The following HPS5 variants were observed in gnomAD, a reference collection of about 807,000 sequenced individuals.
The protein encoded by HPS5 is HPS5 biogenesis of lysosomal organelles complex 2 subunit 2.
HPS5 carries 83 observed loss-of-function variants against 128.0 expected under a neutral mutation model. That is an observed-to-expected ratio of 0.65 (90% CI 0.54 to 0.78). The LOEUF is 0.78. Ranked by LOEUF, HPS5 falls within the 30% of genes least tolerant of loss-of-function variation. The pLI, the probability that HPS5 is intolerant of heterozygous loss-of-function variation, is 0.00. For missense variants in HPS5, 1,281 were observed against 1,326.2 expected, an observed-to-expected ratio of 0.97 and a Z score of 0.53; for synonymous variants, 475 against 470.2, an observed-to-expected ratio of 1.01 and a Z score of -0.13.
At chr11:18,281,928 G>C (rs1859024190) in intron 22 of HPS5, 22 bp downstream of exon 22, 2 of 1,613,818 alleles carry the variant, frequency 1.2e-6, no homozygotes, top group South Asian at 1.1e-5. Flanking sequence ...ACTATGCAGA[G>C]GGTAGGACAA....
chr11:18,311,729 T>G, intron 3 of HPS5, 185 bp downstream of exon 3: 1 of 645,148 alleles, frequency 1.6e-6, no homozygotes, highest in Non-Finnish European at 2.8e-6. Context: ...CAGGCTGGTC[T>G]CCAACTCCTG....
At chr11:18,304,649 C>G (rs11024612) in intron 8 of HPS5, among the ~76,000 whole-genome samples, 21,218 of 152,196 alleles carry the variant, frequency 0.14, 1,586 homozygotes, top group African/African-American at 0.19. Flanking sequence ...GTTAGCCTTT[C>G]AAAGAACTGA....
chr11:18,308,878 G>A (rs1862651971), intron 6 of HPS5, 68 bp downstream of exon 6: 3 of 1,500,168 alleles, frequency 2.0e-6, no homozygotes, highest in African/African-American at 1.4e-5. Flanking sequence ...GCTTGGGGTA[G>A]ATAACTTCTA....
chr11:18,305,936 G>A lies in HPS5; in HGVS notation c.824+199C>T, dbSNP rs113870311. Among the ~76,000 whole-genome samples, 4,226 of 147,492 alleles carry A rather than the reference G, an allele frequency of 0.029. 168 individuals are homozygous for A. Among genetic ancestry groups the A allele is most frequent in the African/African-American group, 0.092 (3,671 of 39,736 alleles). ...TTTGGTAGAGACGGGGTTTCACCGCGTTAGTCAGGATGGTCTCGATCTCCT... is the reference window on the plus strand; with the variant it reads ...TTTGGTAGAGACGGGGTTTCACCGCATTAGTCAGGATGGTCTCGATCTCCT... On this transcript the variant is annotated intron_variant, in intron 7 of 22. Coordinates refer to ENST00000349215, the MANE Select transcript of HPS5 (RefSeq NM_181507.2).
At position 18,287,526 on chromosome 11, in the gene HPS5, C is replaced by T. The variant is rs773936672; in HGVS notation, c.2717+9G>A. 1 of 1,614,060 alleles carries T rather than the reference C, an allele frequency of 6.2e-7. No homozygotes were observed. The highest frequency in any genetic ancestry group is 8.5e-7 in the Non-Finnish European group (1 of 1,179,940). Reference sequence around the variant, plus strand: ...AAAGGAGAGTCTGCAAATATGCTCTCCTTCTCACCGCTGATCTTCAGGCCT... The same window carrying T: ...AAAGGAGAGTCTGCAAATATGCTCTTCTTCTCACCGCTGATCTTCAGGCCT... On this transcript the variant is annotated intron_variant, in intron 18 of 22. Coordinates refer to ENST00000349215, the MANE Select transcript of HPS5 (RefSeq NM_181507.2).
chr11:18,285,847 C>CT (rs1323324545), intron 19 of HPS5, among the ~76,000 whole-genome samples: 1 of 152,126 alleles, frequency 6.6e-6, no homozygotes, highest in Non-Finnish European at 1.5e-5. Context: ...CCAGTGTGTA[C>CT]TTTAATTTTA....
At position 18,288,007 on chromosome 11, in the gene HPS5, G is replaced by C; in HGVS notation, c.2447C>G (p.Ala816Gly). The change falls in exon 17 of 23, where the codon GCA becomes GGA. Residue 816 changes from alanine to glycine, a missense_variant. Coordinates refer to ENST00000349215, the MANE Select transcript of HPS5 (RefSeq NM_181507.2). ...CTCCATATACACAGGATTGGAACTTGCCATTTCTGAAATATAAAGCATATC... is the reference window on the plus strand; with the variant it reads ...CTCCATATACACAGGATTGGAACTTCCCATTTCTGAAATATAAAGCATATC... ...DTFIEGLKEM[A>G]SSNPVYMEME... 1 of 1,613,658 alleles carries C rather than the reference G, an allele frequency of 6.2e-7. No individual in the cohort carries two copies. Among genetic ancestry groups the C allele is most frequent in the Non-Finnish European group, 8.5e-7 (1 of 1,179,820 alleles).
intron 2 of HPS5, among the ~76,000 whole-genome samples, chr11:18,314,106 T>C (rs917871118): frequency 1.3e-5 from 2 of 152,138 alleles, no homozygotes; most frequent in Non-Finnish European, 2.9e-5. Context: ...TCCCAGCTAC[T>C]TGAGAGGCTG....
intron 16 of HPS5, among the ~76,000 whole-genome samples, chr11:18,289,028 C>T (rs1411555719): frequency 1.3e-5 from 2 of 151,796 alleles, no homozygotes; most frequent in African/African-American, 2.4e-5. Flanking sequence ...GGTCTTGCTA[C>T]GTTGCCTAAG....
At chr11:18,305,616 C>T in intron 7 of HPS5, 123 bp from the exon 8 acceptor site, 3 of 659,412 alleles carry the variant, frequency 4.5e-6, no homozygotes, top group Non-Finnish European at 8.1e-6. Context: ...CTGCATCTGC[C>T]CTTATTCGCC....
rs776795991 is a variant in HPS5 at position 18,287,593 on chromosome 11, G to T, written c.2659C>A (p.Pro887Thr). The T allele has an allele frequency of 1.3e-5, 21 of 1,614,130 alleles. 1 individual carries two copies. In the East Asian group the frequency reaches 1.8e-4, roughly 14 times the overall value. ...SDIIQLCHHH[P>T]AEFLAYLDSL... is the part of the protein sequence containing the mutation. ...TCTAAATAGGCCAAAAACTCAGCAG[G>T]ATGATGATGACAAAGTTGTATGATA... The change falls in exon 18 of 23, where the codon CCT becomes ACT. Residue 887 changes from proline (P) to threonine (T), a missense_variant. By Grantham distance (38) the Pro-to-Thr change is conservative. Transcript: ENST00000349215.
Position 18,300,696 on chromosome 11 carries a change from CAAAAA to C in HPS5, c.985+127_985+131del, listed in dbSNP as rs531315010. The C allele has an allele frequency of 0.36, 135,244 of 380,794 alleles. 9,483 individuals carry two copies. The highest frequency in any genetic ancestry group is 0.39 in the East Asian group (8,604 of 21,834). 23.6% of individuals were successfully genotyped at this position (380,794 alleles called of 1,614,324 possible). On this transcript the variant is annotated intron_variant, in intron 9 of 22. Transcript: ENST00000349215. ...TGGGTGACAGAGCAAGACTTAGTCT[CAAAAA>C]AAAAAAAAAAAAAAAAAAAGTCATC...
chr11:18,279,887 C>T lies in HPS5; in HGVS notation c.3385G>A (p.Ala1129Thr). 1 of 1,613,946 alleles carries T rather than the reference C, an allele frequency of 6.2e-7. No homozygotes were observed. The highest frequency in any genetic ancestry group is 8.5e-7 in the Non-Finnish European group (1 of 1,179,828). Reference protein sequence around the residue: ...KCDRFLWSQQA With the variant: ...KCDRFLWSQQT ...TCCTGCTGAATCTTCTCCCACTAGG[C>T]CTGCTGGGACCAGAGAAACCGATCG... Residue 1129 changes from alanine (A) to threonine (T), a missense_variant, in exon 23 of 23, where the codon GCC becomes ACC. By Grantham distance (58) the Ala-to-Thr change is moderately conservative (BLOSUM62 0). Coordinates refer to ENST00000349215, the MANE Select transcript of HPS5 (RefSeq NM_181507.2).
intron 7 of HPS5, 84 bp from the exon 8 acceptor site, chr11:18,305,577 T>C: frequency 9.5e-7 from 1 of 1,051,164 alleles, no homozygotes; most frequent in South Asian, 1.4e-5. Flanking sequence ...AGGGAAATTT[T>C]TGCCTCCAAA....
chr11:18,300,484 G>A (rs969640721), intron 9 of HPS5, among the ~76,000 whole-genome samples: 2 of 151,986 alleles, frequency 1.3e-5, no homozygotes, highest in Non-Finnish European at 2.9e-5. Context: ...ATCACCTGAG[G>A]TCAGGAATTC....
chr11:18,304,459 G>C (rs1750841174), intron 8 of HPS5, among the ~76,000 whole-genome samples: 1 of 152,038 alleles, frequency 6.6e-6, no homozygotes, highest in South Asian at 2.1e-4. Context: ...CAGAAGATCT[G>C]TCCGCCTCGG....
chr11:18,317,848 A>T lies in HPS5; in HGVS notation c.11T>A (p.Val4Glu), dbSNP rs1485993188. The T allele has an allele frequency of 2.5e-6, 4 of 1,613,356 alleles. No homozygotes were observed. The highest frequency in any genetic ancestry group is 1.7e-5 in the Admixed American group (1 of 59,942). ...GCTGTAGGACTCTGGTATCACTGGC[A>T]CAAAAGCCATTTAGCCAGAAAGCTG... is the stretch of plus-strand genomic sequence containing the variant. MAF[V>E]PVIPESYSHV... Residue 4 changes from valine (V) to glutamate (E), a missense_variant, in exon 2 of 23, where the codon GTG becomes GAG. Transcript: ENST00000349215.
At chr11:18,318,475 G>A (rs565248555) in intron 1 of HPS5, among the ~76,000 whole-genome samples, 4 of 152,296 alleles carry the variant, frequency 2.6e-5, no homozygotes, top group Admixed American at 1.3e-4. Context: ...CAGGGAATTA[G>A]AGCACAAAGA....
At chr11:18,315,214 G>C (rs547993798) in intron 2 of HPS5, among the ~76,000 whole-genome samples, 1 of 152,296 alleles carries the variant, frequency 6.6e-6, no homozygotes, top group East Asian at 1.9e-4. Context: ...GTTCTTAGAA[G>C]CTGCCTCAAA....
Sources: allele counts gnomAD v4.1 joint callset (sites outside exome capture counted in the v4.1 genomes callset), GRCh38; gene constraint gnomAD v4.1.1; transcripts MANE v1.5; gene names NCBI Gene and HGNC (gene_info 2026-07-23, HGNC 2026-07-21).